The following SLC8A2 variants were observed in gnomAD, a reference collection of about 807,000 sequenced individuals.
SLC8A2 encodes solute carrier family 8 member A2.
In SLC8A2, 14 loss-of-function variants were observed where a neutral mutation model predicts 70.2. That is an observed-to-expected ratio of 0.20 (90% CI 0.13 to 0.31). SLC8A2 has a LOEUF of 0.31. Ranked by LOEUF, SLC8A2 falls within the 10% of genes least tolerant of loss-of-function variation. SLC8A2 has a pLI of 1.00. For missense variants in SLC8A2, 779 were observed against 1,320.1 expected, an observed-to-expected ratio of 0.59 and a Z score of 6.35; for synonymous variants, 575 against 594.3, an observed-to-expected ratio of 0.97 and a Z score of 0.47.
At chr19:47,463,033 T>C (rs1224881440) in intron 2 of SLC8A2, among the ~76,000 whole-genome samples, 3 of 152,226 alleles carry the variant, frequency 2.0e-5, no homozygotes, top group Non-Finnish European at 2.9e-5. Flanking sequence ...GAAGCCCAGC[T>C]TATTCATTAT....
In SLC8A2 at chr19:47,466,427, GGAGGAGGAGGAGGTCTGGGT is replaced by G; in HGVS notation, c.-16-28_-16-9del. On this transcript the variant is annotated splice_polypyrimidine_tract_variant and intron_variant, in intron 1 of 9. Transcript: ENST00000236877. This position sits in a 1 kb window ranked among gnomAD's most constrained non-coding sequence, Gnocchi z 6.9. ...ATGGGGGGTGGTGGGGTCCTATGGG[GGAGGAGGAGGAGGTCTGGGT>G]GAGGGAAGCAAACCTCTTTCTGTCA... The G allele has an allele frequency of 1.0e-6, 1 of 959,016 alleles. No homozygotes were observed. The highest frequency in any genetic ancestry group is 1.5e-6 in the Non-Finnish European group (1 of 665,564). The allele number at this position is 959,016 out of a possible 1,614,324, so 59.4% of individuals were successfully genotyped here. A position where few individuals can be genotyped will look rare whatever the true frequency, so the allele number is the denominator to read the frequency against.
chr19:47,451,308 C>CTTTTTTTTTTTTTT (rs1555749092), intron 3 of SLC8A2, among the ~76,000 whole-genome samples: 1 of 150,360 alleles, frequency 6.7e-6, no homozygotes, highest in African/African-American at 2.5e-5. Flanking sequence ...GCGCCCAGAC[C>CTTTTTTTTTTTTTT]TTTTTTTTGT....
Position 47,465,610 on chromosome 19 carries a change from C to G in SLC8A2, c.675+119G>C, listed in dbSNP as rs1599860455. 2.2e-6 allele frequency: 2 copies of G among 904,416 alleles called. No homozygotes were observed. Among genetic ancestry groups the G allele is most frequent in the East Asian group, 5.3e-5 (2 of 37,758 alleles). The allele number at this position is 904,416 out of a possible 1,614,324, so 56.0% of individuals were successfully genotyped here. A position where few individuals can be genotyped will look rare whatever the true frequency, so the allele number is the denominator to read the frequency against. The stretch of plus-strand genomic sequence containing the variant: ...ACCTGCACAACCGTACTTGGCAGCC[C>G]TCTCAGATGTGAGTGTGCATTTCTG... On this transcript the variant is annotated intron_variant, in intron 2 of 9. Coordinates refer to ENST00000236877, the MANE Select transcript of SLC8A2 (RefSeq NM_015063.3). The surrounding 1 kb of genome is among the most constrained non-coding windows in gnomAD (Gnocchi z 5.5).
In SLC8A2 at chr19:47,457,115, CGCGCCCTCG is replaced by C; in HGVS notation, c.1146_1154del (p.Glu383_Ala385del). The C allele has an allele frequency of 6.4e-7, 1 of 1,550,712 alleles. No homozygotes were observed. Among genetic ancestry groups the C allele is most frequent in the Non-Finnish European group, 8.7e-7 (1 of 1,147,970 alleles). On this transcript the variant is annotated inframe_deletion, in exon 3 of 10. Coordinates refer to ENST00000236877, the MANE Select transcript of SLC8A2 (RefSeq NM_015063.3). ...TGGCGCCGTCGTCTTCGTCCTCGCC[CGCGCCCTCG>C]GCCGGCGCCGCCCTGCGCGAGGCGT...
intron 4 of SLC8A2, among the ~76,000 whole-genome samples, chr19:47,443,508 G>A (rs899788928): frequency 2.0e-5 from 3 of 152,206 alleles, no homozygotes; most frequent in East Asian, 1.9e-4. Context: ...AAGCACAGCC[G>A]ATCACACCGC....
rs183815418 is a variant in SLC8A2 at position 47,439,695 on chromosome 19, G to A, written c.1885+1474C>T. On this transcript the variant is annotated intron_variant, in intron 6 of 9. Transcript: ENST00000236877. ...TCTTACTTTTCTGAGATGGAGTCTCGCTCTGTCACCCAGGCTGGAGTGCAG... is the reference window on the plus strand; with the variant it reads ...TCTTACTTTTCTGAGATGGAGTCTCACTCTGTCACCCAGGCTGGAGTGCAG... Among the ~76,000 whole-genome samples, 629 of 140,294 alleles carry A rather than the reference G, an allele frequency of 4.5e-3. 4 individuals are homozygous for A. Among genetic ancestry groups the A allele is most frequent in the Non-Finnish European group, 5.4e-3 (359 of 66,480 alleles). The allele number at this position is 140,294 out of a possible 152,430, so 92.0% of individuals were successfully genotyped here.
At chr19:47,449,577 GC>G (rs1359604152) in intron 3 of SLC8A2, among the ~76,000 whole-genome samples, 1 of 152,158 alleles carries the variant, frequency 6.6e-6, no homozygotes, top group Non-Finnish European at 1.5e-5. Flanking sequence ...GCCTGTCTTG[GC>G]TTCCCAAAGT....
chr19:47,438,032 C>T lies in SLC8A2; in HGVS notation c.1886-59G>A, dbSNP rs957821259. On this transcript the variant is annotated intron_variant, in intron 6 of 9. Coordinates refer to ENST00000236877, the MANE Select transcript of SLC8A2 (RefSeq NM_015063.3). ...GAGACCTACCTAATTGGGCCTGTGA[C>T]GCCTTTACTACCTGTCCCCATAGTT... The T allele has an allele frequency of 4.0e-5, 64 of 1,602,554 alleles. No homozygotes were observed. In the African/African-American group the frequency reaches 4.8e-4, roughly 12 times the overall value.
intron 8 of SLC8A2, among the ~76,000 whole-genome samples, chr19:47,433,447 C>A (rs1966988515): frequency 6.6e-6 from 1 of 152,184 alleles, no homozygotes; most frequent in South Asian, 2.1e-4. Flanking sequence ...TGGCTAAATA[C>A]TTGTTTTGCC....
chr19:47,433,316 T>C (rs142099573), intron 8 of SLC8A2, among the ~76,000 whole-genome samples: 1 of 152,304 alleles, frequency 6.6e-6, no homozygotes, highest in African/African-American at 2.4e-5. Flanking sequence ...GAGGGCTATA[T>C]ACCCAGCCAA....
Position 47,466,269 on chromosome 19 carries a change from C to A in SLC8A2, c.135G>T (p.Gly45=), listed in dbSNP as rs748018555. ...GCACCCCCGGCTGGCAGCGGTAGGA[C>A]CCCTGGCAGCCCCCTGTGCTGGTGT... ...DSDTSTGGCQ[G]SYRCQPGVLL... is the part of the protein sequence containing the mutation. Residue 45 remains glycine (G), a synonymous_variant, in exon 2 of 10, where the codon GGG becomes GGT. Coordinates refer to ENST00000236877, the MANE Select transcript of SLC8A2 (RefSeq NM_015063.3). This position sits in a 1 kb window ranked among gnomAD's most constrained non-coding sequence, Gnocchi z 6.9. 34 of 1,567,120 alleles carry A rather than the reference C, an allele frequency of 2.2e-5. No individual in the cohort carries two copies. The African/African-American group carries it at 3.9e-4, about 18-fold the overall frequency.
chr19:47,433,050 A>C (rs1213815929), intron 8 of SLC8A2, among the ~76,000 whole-genome samples: 1 of 152,202 alleles, frequency 6.6e-6, no homozygotes, highest in East Asian at 1.9e-4. Context: ...CAATGCTAAA[A>C]ACAGTTACTT....
At chr19:47,431,004 A>G (rs1016836047) in intron 9 of SLC8A2, among the ~76,000 whole-genome samples, 2 of 150,350 alleles carry the variant, frequency 1.3e-5, no homozygotes, top group East Asian at 2.0e-4. Flanking sequence ...GATTACAGGT[A>G]TGAGCCACCG....
At position 47,468,249 on chromosome 19, in the gene SLC8A2, T is replaced by C. The variant is rs1379797485; in HGVS notation, c.-16-1830A>G. ...TCCTCAGCCTCACCAGACAAGCTTC[T>C]GCCTTGGAGCCCTGGCACCTGCTGT... On this transcript the variant is annotated intron_variant, in intron 1 of 9. Transcript: ENST00000236877. The surrounding 1 kb of genome is among the most constrained non-coding windows in gnomAD (Gnocchi z 5.1). Among the ~76,000 whole-genome samples the C allele has an allele frequency of 6.6e-6, 1 of 152,112 alleles. No individual in the cohort carries two copies. The highest frequency in any genetic ancestry group is 6.6e-5 in the Admixed American group (1 of 15,264).
Position 47,447,578 on chromosome 19 carries a change from T to A in SLC8A2, c.1763+231A>T. 4.1e-6 allele frequency: 2 copies of A among 490,104 alleles called. No homozygotes were observed. The highest frequency in any genetic ancestry group is 3.5e-6 in the Non-Finnish European group (1 of 282,770). The allele number at this position is 490,104 out of a possible 1,614,324, so 30.4% of individuals were successfully genotyped here. A position where few individuals can be genotyped will look rare whatever the true frequency, so the allele number is the denominator to read the frequency against. ...TTGGAGAACGATTCACTCAGGCCCC[T>A]CTCCTCCTGAGGGCCCAGCTGTTCA... is the stretch of plus-strand genomic sequence containing the variant. On this transcript the variant is annotated intron_variant, in intron 4 of 9. Coordinates refer to ENST00000236877, the MANE Select transcript of SLC8A2 (RefSeq NM_015063.3). The surrounding 1 kb of genome is among the most constrained non-coding windows in gnomAD (Gnocchi z 5.1).
chr19:47,469,578 C>T (rs367847191), intron 1 of SLC8A2, among the ~76,000 whole-genome samples: 19 of 152,296 alleles, frequency 1.2e-4, no homozygotes, highest in African/African-American at 4.1e-4. Context: ...TCCTGCAAAA[C>T]CTGGTTTCTC....
chr19:47,429,980 C>T lies in SLC8A2; in HGVS notation c.*109G>A, dbSNP rs1416656176. 1.0e-5 allele frequency: 12 copies of T among 1,183,676 alleles called. No individual in the cohort carries two copies. The allele number at this position is 1,183,676 out of a possible 1,614,324, so 73.3% of individuals were successfully genotyped here. ...GGGGCGGAGAAGGGAGGCCGAGTCCCAGGAGAGGAGGCCGAGTCTGGGGGG... is the reference window on the plus strand; with the variant it reads ...GGGGCGGAGAAGGGAGGCCGAGTCCTAGGAGAGGAGGCCGAGTCTGGGGGG... On this transcript the variant is annotated 3_prime_UTR_variant, in exon 10 of 10. Coordinates refer to ENST00000236877, the MANE Select transcript of SLC8A2 (RefSeq NM_015063.3).
At chr19:47,458,520 TTC>T (rs1388439888) in intron 2 of SLC8A2, among the ~76,000 whole-genome samples, 1 of 134,636 alleles carries the variant, frequency 7.4e-6, no homozygotes, top group African/African-American at 2.8e-5. Flanking sequence ...TCCTCCTCAT[TTC>T]TCTCTCCTTT....
At chr19:47,433,426 T>C (rs1966988344) in intron 8 of SLC8A2, among the ~76,000 whole-genome samples, 1 of 152,254 alleles carries the variant, frequency 6.6e-6, no homozygotes, top group Non-Finnish European at 1.5e-5. Context: ...AGTTGGCAGT[T>C]GCCATGTCCC....
Sources: allele counts gnomAD v4.1 joint callset (sites outside exome capture counted in the v4.1 genomes callset), GRCh38; gene constraint gnomAD v4.1.1; non-coding constraint Gnocchi (gnomAD v3.1); transcripts MANE v1.5; gene names NCBI Gene and HGNC (gene_info 2026-07-23, HGNC 2026-07-21).